The following MEOX2 variants were observed in gnomAD, a reference collection of about 807,000 sequenced individuals.
MEOX2 encodes the protein homeobox protein MOX-2.
MEOX2 carries 11 observed loss-of-function variants against 27.0 expected under a neutral mutation model. That is an observed-to-expected ratio of 0.41 (90% confidence interval 0.26 to 0.68). MEOX2 has a LOEUF of 0.68. Among genes scored for constraint, MEOX2 ranks in the 30% least tolerant of loss-of-function variants. MEOX2 has a pLI of 0.33. For missense variants in MEOX2, 436 were observed against 385.4 expected, an observed-to-expected ratio of 1.13 and a Z score of -1.10; for synonymous variants, 189 against 155.4, an observed-to-expected ratio of 1.22 and a Z score of -1.61.
Position 15,685,998 on chromosome 7 carries a change from G to T in MEOX2, c.405C>A (p.Gly135=). The change falls in exon 1 of 3, where the codon GGC becomes GGA. Residue 135 remains glycine (G), a synonymous_variant. Transcript: ENST00000262041. The part of the protein sequence containing the change: ...PVLCSNSSSL[G]SSTPTGAACA... ...ACGCGGCCCCAGTCGGGGTGCTGGA[G>T]CCCAAGCTGGAAGAGTTGGAGCACA... 1 of 1,609,296 alleles carries T rather than the reference G, an allele frequency of 6.2e-7. No individual in the cohort carries two copies. The highest frequency in any genetic ancestry group is 8.5e-7 in the Non-Finnish European group (1 of 1,179,792).
chr7:15,615,595 G>C (rs544688572), intron 2 of MEOX2, among the ~76,000 whole-genome samples: 1 of 152,088 alleles, frequency 6.6e-6, no homozygotes, highest in East Asian at 1.9e-4. Flanking sequence ...GCTTGACATT[G>C]TATTTTGCAT....
chr7:15,667,289 C>CAAAAAAAAAAAAAAAAAAAAAAAGA (rs1782024360), intron 1 of MEOX2, among the ~76,000 whole-genome samples: 1 of 40,980 alleles, frequency 2.4e-5, no homozygotes, highest in Admixed American at 4.3e-4. Flanking sequence ...GACTCTGTCT[C>CAAAAAAAAAAAAAAAAAAAAAAAGA]AAAAAAAAAA....
chr7:15,666,779 A>ATAT (rs58489396), intron 1 of MEOX2, among the ~76,000 whole-genome samples: 1 of 33,316 alleles, frequency 3.0e-5, no homozygotes, highest in Non-Finnish European at 5.5e-5. Context: ...AAAAAAAAAA[A>ATAT]ATATATATAT....
At chr7:15,642,598 T>A (rs1781579809) in intron 1 of MEOX2, among the ~76,000 whole-genome samples, 1 of 152,220 alleles carries the variant, frequency 6.6e-6, no homozygotes, top group Non-Finnish European at 1.5e-5. Context: ...TTGAATTCCT[T>A]GTCTCTCATT....
chr7:15,640,517 G>T (rs1366351212), intron 1 of MEOX2, among the ~76,000 whole-genome samples: 4 of 151,968 alleles, frequency 2.6e-5, no homozygotes, highest in Admixed American at 6.6e-5. Flanking sequence ...AATGCCTTTT[G>T]TTTCTTTCGC....
intron 1 of MEOX2, chr7:15,682,129 T>C (rs1782300694): frequency 6.6e-6 from 1 of 151,034 alleles, no homozygotes; most frequent in African/African-American, 2.5e-5. Context: ...AGATAAAGAA[T>C]GGAAGTTTTT....
chr7:15,621,928 C>A (rs1034292865), intron 2 of MEOX2, among the ~76,000 whole-genome samples: 3 of 152,082 alleles, frequency 2.0e-5, no homozygotes, highest in Admixed American at 2.0e-4. Flanking sequence ...ACCAGCCTGG[C>A]CAAGATGGTG....
At chr7:15,675,928 G>T (rs1782185603) in intron 1 of MEOX2, 1 of 152,092 alleles carries the variant, frequency 6.6e-6, no homozygotes, top group Admixed American at 6.5e-5. Context: ...TTGTTTTAGG[G>T]ATCAAATTGC....
Position 15,676,877 on chromosome 7 carries a change from T to C in MEOX2, c.517+9009A>G, listed in dbSNP as rs533380291. ...GGTCTCAAAAAAAAAAAAAGAGTCC[T>C]CATTTTATTCTTTATTTTGCTCAAT... On this transcript the variant is annotated intron_variant, in intron 1 of 2. Transcript: ENST00000262041. Among the ~76,000 whole-genome samples, 145 of 151,148 alleles carry C rather than the reference T, an allele frequency of 9.6e-4. 1 individual carries two copies. Among genetic ancestry groups the C allele is most frequent in the South Asian group, 8.4e-4 (4 of 4,786 alleles).
Position 15,660,649 on chromosome 7 carries a change from T to G in MEOX2, c.517+25237A>C, listed in dbSNP as rs149936530. 6.6e-5 allele frequency among the ~76,000 whole-genome samples: 10 copies of G among 152,302 alleles called. No homozygotes were observed. The East Asian group carries it at 1.6e-3, about 24-fold the overall frequency. ...AAAATCACTCTGATTTGAGAACCAC[T>G]GATCCCATATTAAAGGTCCATGCCT... On this transcript the variant is annotated intron_variant, in intron 1 of 2. Coordinates refer to ENST00000262041, the MANE Select transcript of MEOX2 (RefSeq NM_005924.5).
At chr7:15,668,350 G>A (rs1301500641) in intron 1 of MEOX2, 1 of 151,890 alleles carries the variant, frequency 6.6e-6, no homozygotes, top group African/African-American at 2.4e-5. Context: ...CTTTTCTCTG[G>A]CTTTACTTTA....
rs758856274 is a variant in MEOX2, at chr7:15,685,850, G to C, written c.517+36C>G. On this transcript the variant is annotated intron_variant, in intron 1 of 2. Coordinates refer to ENST00000262041, the MANE Select transcript of MEOX2 (RefSeq NM_005924.5). ...TATCTCTCCGCCCCTTTTCCAGCCC[G>C]GCGCGCACTCTCGAGGGTGCCTGGC... 5.0e-5 allele frequency: 77 copies of C among 1,546,308 alleles called. No homozygotes were observed. In the East Asian group the frequency reaches 1.6e-3, roughly 32 times the overall value.
intron 1 of MEOX2, among the ~76,000 whole-genome samples, chr7:15,641,704 G>C (rs920045091): frequency 3.3e-5 from 5 of 152,152 alleles, no homozygotes; most frequent in African/African-American, 1.2e-4. Context: ...TTGCTTCATA[G>C]CATCTATAAA....
chr7:15,651,296 A>AAT (rs552283068), intron 1 of MEOX2, among the ~76,000 whole-genome samples: 33 of 152,106 alleles, frequency 2.2e-4, no homozygotes, highest in Non-Finnish European at 2.4e-4. Flanking sequence ...CATAGTAATT[A>AAT]ATATATATAT....
chr7:15,637,413 G>A (rs1041164660), intron 1 of MEOX2, among the ~76,000 whole-genome samples: 5 of 151,884 alleles, frequency 3.3e-5, no homozygotes, highest in Admixed American at 2.0e-4. Context: ...TTACATGGTG[G>A]AGAGAAAGGG....
At position 15,686,230 on chromosome 7, in the gene MEOX2, C is replaced by A; in HGVS notation, c.173G>T (p.Gly58Val). 6.2e-7 allele frequency: 1 copy of A among 1,611,782 alleles called. No homozygotes were observed. The highest frequency in any genetic ancestry group is 8.5e-7 in the Non-Finnish European group (1 of 1,178,958). The change falls in exon 1 of 3, where the codon GGC becomes GTC. Residue 58 changes from glycine (G) to valine (V), a missense_variant. Coordinates refer to ENST00000262041, the MANE Select transcript of MEOX2 (RefSeq NM_005924.5). The part of the protein sequence containing the change: ...CIIAGYPNEE[G>V]MFASQHHRGH... ...CCTGTGATGCTGGCTGGCAAACATG[C>A]CCTCTTCGTTGGGGTATCCCGCGAT...
Position 15,676,830 on chromosome 7 carries a change from C to G in MEOX2, c.517+9056G>C, listed in dbSNP as rs1447531805. On this transcript the variant is annotated intron_variant, in intron 1 of 2. Coordinates refer to ENST00000262041, the MANE Select transcript of MEOX2 (RefSeq NM_005924.5). ...TCAAGATTGCGCCACTGCACTCCAG[C>G]CTGGGCAACAGAACAAAACTCGGTC... is the stretch of plus-strand genomic sequence containing the variant. Among the ~76,000 whole-genome samples, 6 of 151,752 alleles carry G rather than the reference C, an allele frequency of 4.0e-5. No homozygotes were observed. The East Asian group carries it at 1.2e-3, about 29-fold the overall frequency.
chr7:15,639,257 T>G (rs1018553344), intron 1 of MEOX2, among the ~76,000 whole-genome samples: 2 of 152,172 alleles, frequency 1.3e-5, no homozygotes, highest in African/African-American at 4.8e-5. Flanking sequence ...CATATGTTTA[T>G]TAGCAACTTG....
In MEOX2 at chr7:15,612,442, A is replaced by G. The variant is rs556698927; in HGVS notation, c.860T>C (p.Ile287Thr). The change falls in exon 3 of 3, where the codon ATA becomes ACA. Residue 287 changes from isoleucine (I) to threonine (T), a missense_variant. Coordinates refer to ENST00000262041, the MANE Select transcript of MEOX2 (RefSeq NM_005924.5). ...AATLQQTGDSIANEDSHDSDH... is the reference protein window; with the variant it reads ...AATLQQTGDSTANEDSHDSDH... ...ACTGTCGTGACTGTCTTCATTTGCT[A>G]TAGAGTCCCCTGTTTGCTGGAGGGT... 3.9e-5 allele frequency: 63 copies of G among 1,614,114 alleles called. No homozygotes were observed. In the African/African-American group the frequency reaches 6.1e-4, roughly 16 times the overall value.
Sources: gnomAD v4.1 joint callset for allele counts (sites outside exome capture counted in the v4.1 genomes callset) on GRCh38, gnomAD v4.1.1 for gene constraint, MANE v1.5 for transcripts, NCBI Gene and HGNC (gene_info 2026-07-23, HGNC 2026-07-21) for gene names.